TAAR5: variants seen among roughly 807,000 people sequenced by gnomAD.
TAAR5 encodes the protein trace amine-associated receptor 5.
TAAR5 carries 27 observed loss-of-function variants against 21.1 expected under a neutral mutation model. That is an observed-to-expected ratio of 1.28 (90% CI 0.94 to 1.76). TAAR5 has a LOEUF of 1.76. TAAR5 is among the 40% of genes most tolerant of loss of function. The probability of loss-of-function intolerance (pLI) is 0.00; values close to 1 mark genes in which losing one functional copy is unlikely to be tolerated. For missense variants in TAAR5, 495 were observed against 405.6 expected, an observed-to-expected ratio of 1.22 and a Z score of -1.89; for synonymous variants, 203 against 167.5, an observed-to-expected ratio of 1.21 and a Z score of -1.64.
chr6:132,609,147 T>C, the TAAR5 span: 1 of 396,338 alleles, frequency 2.5e-6, no homozygotes, highest in Non-Finnish European at 5.0e-6. Context: ...CGAATAGTGA[T>C]AATCATGGCT....
chr6:132,601,992 A>T, the TAAR5 span, among the ~76,000 whole-genome samples: 21 of 152,184 alleles, frequency 1.4e-4, no homozygotes, highest in African/African-American at 4.1e-4. Context: ...AATTTTTTGA[A>T]TTCAAAATAT....
chr6:132,591,891 G>A (rs1776912366), upstream of TAAR5, among the ~76,000 whole-genome samples: 1 of 152,162 alleles, frequency 6.6e-6, no homozygotes, highest in South Asian at 2.1e-4. Flanking sequence ...TACATGATCT[G>A]TGTCACAATC....
the TAAR5 span, among the ~76,000 whole-genome samples, chr6:132,596,207 C>T: frequency 0.33 from 49,837 of 152,028 alleles, 8,561 homozygotes; most frequent in Non-Finnish European, 0.38. Context: ...CCCCTGTTTT[C>T]GTCTTATATT....
At chr6:132,598,742 C>A in the TAAR5 span, among the ~76,000 whole-genome samples, 1 of 152,096 alleles carries the variant, frequency 6.6e-6, no homozygotes, top group African/African-American at 2.4e-5. Context: ...AGAAATGGCT[C>A]TGGGAGGGAG....
At chr6:132,596,822 G>T in the TAAR5 span, among the ~76,000 whole-genome samples, 1 of 152,078 alleles carries the variant, frequency 6.6e-6, no homozygotes, top group East Asian at 1.9e-4. Context: ...TAGTCAGTTT[G>T]GTTCCAAAGT....
chr6:132,602,794 A>AG, the TAAR5 span, among the ~76,000 whole-genome samples: 3 of 151,592 alleles, frequency 2.0e-5, no homozygotes, highest in Non-Finnish European at 4.4e-5. Flanking sequence ...AAAAAAAAAA[A>AG]AAGACAATAC....
At chr6:132,602,967 T>C in the TAAR5 span, among the ~76,000 whole-genome samples, 1 of 151,990 alleles carries the variant, frequency 6.6e-6, no homozygotes, top group Non-Finnish European at 1.5e-5. Context: ...CAGATAACAT[T>C]GCAATAAGAA....
rs1426507564 is a variant in TAAR5, at chr6:132,589,525, A to C, written c.162T>G (p.Phe54Leu). Residue 54 changes from phenylalanine to leucine, a missense_variant, in exon 1 of 1, where the codon TTT (phenylalanine) becomes TTG (leucine). Phe to Leu is a conservative substitution (Grantham distance 22). Transcript: ENST00000258034. ...TGAAGTAGGACACAGCAAATGCCAC[A>C]AATACATTCCCTAGCACGATAATCA... is the stretch of plus-strand genomic sequence containing the variant. ...GMLIIVLGNV[F>L]VAFAVSYFKA... 6.2e-7 allele frequency: 1 copy of C among 1,613,954 alleles called. No individual in the cohort carries two copies. Among genetic ancestry groups the C allele is most frequent in the Non-Finnish European group, 8.5e-7 (1 of 1,179,994 alleles).
chr6:132,609,128 C>T, the TAAR5 span: 1 of 414,888 alleles, frequency 2.4e-6, no homozygotes, highest in Admixed American at 2.7e-5. Context: ...ACCATTATAA[C>T]CAAGTTTCCG....
chr6:132,616,051 A>G, the TAAR5 span, among the ~76,000 whole-genome samples: 2 of 152,172 alleles, frequency 1.3e-5, no homozygotes, highest in Non-Finnish European at 2.9e-5. Flanking sequence ...GTATGCTGGA[A>G]CCACCCATGA....
chr6:132,602,779 CAAAAAAAAA>C, the TAAR5 span, among the ~76,000 whole-genome samples: 3 of 95,948 alleles, frequency 3.1e-5, no homozygotes, highest in African/African-American at 1.2e-4. Context: ...CTTTAGAAGT[CAAAAAAAAA>C]AAAAAAAAGA....
At chr6:132,613,469 A>T in the TAAR5 span, among the ~76,000 whole-genome samples, 5 of 152,198 alleles carry the variant, frequency 3.3e-5, no homozygotes, top group Admixed American at 2.6e-4. Context: ...TGAATCACAT[A>T]GCCTCTATGG....
upstream of TAAR5, among the ~76,000 whole-genome samples, chr6:132,591,509 G>A (rs529097111): frequency 3.2e-4 from 49 of 152,298 alleles, 1 homozygote; most frequent in African/African-American, 1.0e-3. Context: ...GCTACCGCTG[G>A]AATCTTGCCT....
At chr6:132,614,574 A>T in the TAAR5 span, among the ~76,000 whole-genome samples, 1 of 152,182 alleles carries the variant, frequency 6.6e-6, no homozygotes, top group Non-Finnish European at 1.5e-5. Context: ...TTGACCCAGT[A>T]CCTTCCCTTT....
At position 132,589,504 on chromosome 6, in the gene TAAR5, G is replaced by C. The variant is rs1274433377; in HGVS notation, c.183C>G (p.Tyr61Ter). The change falls in exon 1 of 1, where the codon TAC becomes TAG. Residue 61 changes from tyrosine to a stop codon, truncating the protein, a stop_gained. Transcript: ENST00000258034. LOFTEE classifies it high-confidence loss of function. The part of the protein sequence containing the change: ...GNVFVAFAVS[Y>*]FKALHTPTNF... ...TGGTGGGCGTGTGAAGCGCTTTGAA[G>C]TAGGACACAGCAAATGCCACAAATA... 1.2e-6 allele frequency: 2 copies of C among 1,613,950 alleles called. No homozygotes were observed. The highest frequency in any genetic ancestry group is 1.7e-6 in the Non-Finnish European group (2 of 1,179,944).
chr6:132,600,880 G>A, the TAAR5 span, among the ~76,000 whole-genome samples: 1 of 125,692 alleles, frequency 8.0e-6, no homozygotes, highest in Non-Finnish European at 1.6e-5. Flanking sequence ...AGAGAGGGAA[G>A]GAGGGAAGAA....
Position 132,588,965 on chromosome 6 carries a change from G to C in TAAR5, c.722C>G (p.Ala241Gly). ...QQITTLSKSL[A>G]GAAKHERKAA... is the part of the protein sequence containing the mutation. ...TTTTCTCTCATGCTTGGCAGCCCCA[G>C]CCAGGCTTTTGCTCAATGTGGTAAT... The change falls in exon 1 of 1, where the codon GCT (alanine) becomes GGT (glycine). Residue 241 changes from alanine to glycine, a missense_variant. Physicochemically the swap from Ala to Gly is moderately conservative, Grantham distance 60. Coordinates refer to ENST00000258034, the MANE Select transcript of TAAR5 (RefSeq NM_003967.3). 6.2e-7 allele frequency: 1 copy of C among 1,614,074 alleles called. No individual in the cohort carries two copies. The highest frequency in any genetic ancestry group is 8.5e-7 in the Non-Finnish European group (1 of 1,179,978).
At chr6:132,614,171 C>A in the TAAR5 span, among the ~76,000 whole-genome samples, 5 of 152,174 alleles carry the variant, frequency 3.3e-5, no homozygotes, top group East Asian at 3.8e-4. Context: ...CCTTTAAATT[C>A]TAACAGCCCT....
the TAAR5 span, among the ~76,000 whole-genome samples, chr6:132,606,064 T>A: frequency 1.3e-5 from 2 of 152,076 alleles, no homozygotes; most frequent in African/African-American, 4.8e-5. Context: ...TGGGTACACA[T>A]GGTCATAAAA....
Sources: gnomAD v4.1 joint callset for allele counts (sites outside exome capture counted in the v4.1 genomes callset) on GRCh38, gnomAD v4.1.1 for gene constraint, MANE v1.5 for transcripts, NCBI Gene and HGNC (gene_info 2026-07-23, HGNC 2026-07-21) for gene names.